The following AMBRA1 variants were observed in gnomAD, a reference collection of about 807,000 sequenced individuals.
The protein encoded by AMBRA1 is activating molecule in BECN1-regulated autophagy protein 1.
In AMBRA1, 47 loss-of-function variants were observed where a neutral mutation model predicts 125.4. The ratio of observed to expected loss-of-function variants is 0.37; its 90% confidence interval spans 0.30 to 0.48. The LOEUF (loss-of-function observed/expected upper bound fraction) is 0.48, where lower values mean the gene tolerates loss of function less well. Ranked by LOEUF, AMBRA1 falls within the 20% of genes least tolerant of loss-of-function variation. AMBRA1 has a pLI of 0.99. For missense variants in AMBRA1, 1,331 were observed against 1,693.4 expected (o/e 0.79, Z 3.76); for synonymous variants, 626 against 655.5 (o/e 0.95, Z 0.69).
chr11:46,463,847 G>A (rs918453539), intron 11 of AMBRA1, among the ~76,000 whole-genome samples: 1 of 152,126 alleles, frequency 6.6e-6, no homozygotes, highest in Non-Finnish European at 1.5e-5. Flanking sequence ...TTGGTAAAAC[G>A]TAACAAAAAA....
chr11:46,517,445 G>A (rs1471852636), intron 7 of AMBRA1, among the ~76,000 whole-genome samples: 3 of 147,358 alleles, frequency 2.0e-5, no homozygotes, highest in East Asian at 2.0e-4. Context: ...CACCGCGCCC[G>A]GCTAGAAAGC....
chr11:46,433,798 G>A (rs566992111), intron 13 of AMBRA1, among the ~76,000 whole-genome samples, 170 bp from the exon 14 acceptor site: 44 of 152,256 alleles, frequency 2.9e-4, no homozygotes, highest in African/African-American at 9.6e-4. Flanking sequence ...TATACATACT[G>A]AGTGTAGTGT....
At chr11:46,502,463 T>C (rs2902858) in intron 9 of AMBRA1, among the ~76,000 whole-genome samples, 32,599 of 152,130 alleles carry the variant, frequency 0.21, 4,236 homozygotes, top group African/African-American at 0.37. Flanking sequence ...AGATAATACC[T>C]TATCCCTCTC....
rs752934046 is a variant in AMBRA1 at position 46,408,574 on chromosome 11, G to A, written c.3342C>T (p.Ala1114=). 125 of 1,606,744 alleles carry A rather than the reference G, an allele frequency of 7.8e-5. No individual in the cohort carries two copies. The highest frequency in any genetic ancestry group is 1.0e-4 in the South Asian group (9 of 90,406). The part of the protein sequence containing the change: ...TQTLALQLQN[A]ETQTEREVPE... Reference sequence around the variant, plus strand: ...GCACCTCCCTCTCAGTCTGTGTTTCGGCATTCTGCAGCTGAAGGGCCAGAG... The same window carrying A: ...GCACCTCCCTCTCAGTCTGTGTTTCAGCATTCTGCAGCTGAAGGGCCAGAG... The change falls in exon 17 of 18, where the codon GCC becomes GCT. Residue 1114 remains alanine (A), a synonymous_variant. Coordinates refer to ENST00000683756, the MANE Select transcript of AMBRA1 (RefSeq NM_001387011.1).
chr11:46,569,819 G>T (rs1257104421), intron 1 of AMBRA1, among the ~76,000 whole-genome samples: 1 of 151,964 alleles, frequency 6.6e-6, no homozygotes, highest in Non-Finnish European at 1.5e-5. Flanking sequence ...AAATTAGCCA[G>T]GTGTGTTGGT....
At chr11:46,446,402 AG>A (rs1181882694) in intron 11 of AMBRA1, among the ~76,000 whole-genome samples, 2 of 152,232 alleles carry the variant, frequency 1.3e-5, no homozygotes, top group Non-Finnish European at 2.9e-5. Flanking sequence ...AATGTGCCAG[AG>A]GGGGTTAATG....
intron 17 of AMBRA1, among the ~76,000 whole-genome samples, chr11:46,398,402 G>A (rs1162618839): frequency 6.6e-6 from 1 of 152,236 alleles, no homozygotes; most frequent in Admixed American, 6.5e-5. Flanking sequence ...GAAACAGTCT[G>A]CTCTGCTTCA....
intron 12 of AMBRA1, among the ~76,000 whole-genome samples, chr11:46,440,655 C>T (rs904862583): frequency 6.6e-6 from 1 of 152,116 alleles, no homozygotes; most frequent in Non-Finnish European, 1.5e-5. Flanking sequence ...AAGCAAACTT[C>T]ATTTTCAATA....
At chr11:46,584,829 T>G (rs1195681572) in intron 1 of AMBRA1, among the ~76,000 whole-genome samples, 1 of 152,134 alleles carries the variant, frequency 6.6e-6, no homozygotes, top group Non-Finnish European at 1.5e-5. Flanking sequence ...CCCAACACTT[T>G]GGGAGGCTGA....
At position 46,434,940 on chromosome 11, in the gene AMBRA1, G is replaced by A. The variant is rs200994445; in HGVS notation, c.2730C>T (p.Ser910=). 1.0e-4 allele frequency: 165 copies of A among 1,614,080 alleles called. No individual in the cohort carries two copies. In the African/African-American group the frequency reaches 2.0e-3, roughly 19 times the overall value. The change falls in exon 13 of 18, where the codon AGC becomes AGT. Residue 910 remains serine (S), a synonymous_variant. Transcript: ENST00000683756. ...CTTCATCAGGAAAGCCCCTCTGGCT[G>A]CTGGGGATGAAAGCTGCCAGGAGCT... ...DGQLLAAFIP[S]SQRGFPDEGI...
chr11:46,544,851 T>C (rs1952926121), intron 5 of AMBRA1, among the ~76,000 whole-genome samples: 2 of 152,100 alleles, frequency 1.3e-5, no homozygotes, highest in South Asian at 4.1e-4. Flanking sequence ...GTGCAGTGGC[T>C]CATACCTATA....
intron 7 of AMBRA1, among the ~76,000 whole-genome samples, chr11:46,527,421 A>G (rs1345501136): frequency 7.3e-6 from 1 of 136,836 alleles, no homozygotes; most frequent in Non-Finnish European, 1.5e-5. Flanking sequence ...TGGAGGTTAC[A>G]GTGAGCCGAG....
At chr11:46,494,774 T>A (rs1176968898) in intron 9 of AMBRA1, 1 of 152,890 alleles carries the variant, frequency 6.5e-6, no homozygotes, top group Admixed American at 6.5e-5. Flanking sequence ...AGACTGTCAA[T>A]GGTGAAGAAT....
At chr11:46,490,788 TAGTC>T (rs1180749241) in intron 11 of AMBRA1, among the ~76,000 whole-genome samples, 4 of 152,120 alleles carry the variant, frequency 2.6e-5, no homozygotes, top group African/African-American at 9.7e-5. Flanking sequence ...GCAGGGATCA[TAGTC>T]TGTCTTATTC....
intron 11 of AMBRA1, among the ~76,000 whole-genome samples, chr11:46,462,020 C>G (rs940240918): frequency 3.9e-5 from 6 of 152,148 alleles, no homozygotes; most frequent in African/African-American, 1.4e-4. Flanking sequence ...ACTAAAATCC[C>G]CTTCATCCTT....
intron 11 of AMBRA1, among the ~76,000 whole-genome samples, chr11:46,462,659 A>G (rs911487207): frequency 6.6e-6 from 1 of 151,744 alleles, no homozygotes; most frequent in African/African-American, 2.4e-5. Context: ...TGCCCCCACT[A>G]TCTAGACTCC....
At chr11:46,438,681 G>A (rs549080996) in intron 12 of AMBRA1, among the ~76,000 whole-genome samples, 5 of 152,142 alleles carry the variant, frequency 3.3e-5, no homozygotes, top group South Asian at 4.2e-4. Context: ...CTGTGGTATC[G>A]CCTGCCCCAC....
chr11:46,509,134 G>A (rs1720119156), intron 8 of AMBRA1, among the ~76,000 whole-genome samples: 1 of 152,250 alleles, frequency 6.6e-6, no homozygotes, highest in Non-Finnish European at 1.5e-5. Context: ...TATGGAAGGT[G>A]AGAGTTGTTC....
intron 1 of AMBRA1, among the ~76,000 whole-genome samples, chr11:46,589,553 G>A (rs2044517391): frequency 6.6e-6 from 1 of 152,272 alleles, no homozygotes; most frequent in African/African-American, 2.4e-5. Flanking sequence ...ACACCTCTCT[G>A]TGCTAACAAC....
Sources: allele counts gnomAD v4.1 joint callset (sites outside exome capture counted in the v4.1 genomes callset), GRCh38; gene constraint gnomAD v4.1.1; transcripts MANE v1.5; gene names NCBI Gene and HGNC (gene_info 2026-07-23, HGNC 2026-07-21).